ROBO2: variants seen among roughly 807,000 people sequenced by gnomAD.
The protein encoded by ROBO2 is roundabout guidance receptor 2.
A neutral mutation model predicts 160.8 loss-of-function variants in ROBO2; 53 were observed. The observed-to-expected ratio is 0.33, with a 90% CI of 0.26 to 0.41. The LOEUF (loss-of-function observed/expected upper bound fraction) is 0.41. ROBO2 is among the 10% of genes least tolerant of loss of function. The pLI is 1.00. For missense variants in ROBO2, 1,577 were observed against 1,722.4 expected (o/e 0.92, Z 1.49); for synonymous variants, 664 against 611.7 (o/e 1.09, Z -1.26).
At chr3:77,585,686 T>C (rs1157548905) in intron 16 of ROBO2, among the ~76,000 whole-genome samples, 2 of 152,084 alleles carry the variant, frequency 1.3e-5, no homozygotes, top group Non-Finnish European at 1.5e-5. Flanking sequence ...GAGATTTATT[T>C]CTTTTTAATA....
At chr3:76,594,920 C>T (rs555926507) in intron 2 of ROBO2, among the ~76,000 whole-genome samples, 10 of 152,034 alleles carry the variant, frequency 6.6e-5, no homozygotes, top group African/African-American at 2.4e-4. Context: ...AATTTGTTCC[C>T]CCCAAAACTA....
At chr3:76,131,334 T>C (rs1460637451) in intron 2 of ROBO2, among the ~76,000 whole-genome samples, 1 of 152,144 alleles carries the variant, frequency 6.6e-6, no homozygotes, top group Non-Finnish European at 1.5e-5. Flanking sequence ...CAGAAAGGCA[T>C]TGTGACAGGC....
intron 2 of ROBO2, among the ~76,000 whole-genome samples, chr3:77,130,836 T>A (rs188051494): frequency 1.9e-4 from 29 of 152,316 alleles, no homozygotes; most frequent in Admixed American, 1.7e-3. Flanking sequence ...TTCTAGTGAT[T>A]GCTTTAAAAT....
chr3:76,694,515 C>T (rs2092885509), intron 2 of ROBO2, among the ~76,000 whole-genome samples: 2 of 151,890 alleles, frequency 1.3e-5, no homozygotes, highest in South Asian at 2.1e-4. Flanking sequence ...CAAAGTCTTT[C>T]GACTAAACCC....
intron 2 of ROBO2, among the ~76,000 whole-genome samples, chr3:76,600,182 ACATTTAAG>A (rs2087029974): frequency 6.6e-6 from 1 of 152,178 alleles, no homozygotes; most frequent in African/African-American, 2.4e-5. Flanking sequence ...TTTGGGTTTT[ACATTTAAG>A]TCTTTAATCC....
At chr3:76,973,311 T>C (rs2059659777) in intron 2 of ROBO2, among the ~76,000 whole-genome samples, 1 of 152,206 alleles carries the variant, frequency 6.6e-6, no homozygotes, top group Middle Eastern at 3.2e-3. Flanking sequence ...CTGAAAATTA[T>C]CACTTTACCT....
At chr3:76,810,570 A>G (rs1430221343) in intron 2 of ROBO2, among the ~76,000 whole-genome samples, 1 of 152,136 alleles carries the variant, frequency 6.6e-6, no homozygotes, top group Non-Finnish European at 1.5e-5. Flanking sequence ...GACACCAGCT[A>G]GGAGATAAAC....
chr3:76,047,308 A>G (rs2067484109), intron 2 of ROBO2, among the ~76,000 whole-genome samples: 2 of 152,202 alleles, frequency 1.3e-5, no homozygotes, highest in East Asian at 1.9e-4. Context: ...GGGAGAGAGG[A>G]GATGAAAAGA....
intron 2 of ROBO2, among the ~76,000 whole-genome samples, chr3:76,281,335 A>G (rs921971840): frequency 2.0e-5 from 3 of 151,968 alleles, no homozygotes; most frequent in Non-Finnish European, 4.4e-5. Flanking sequence ...TTATTCTGCA[A>G]CTATATGGGT....
At chr3:77,262,522 T>A (rs2058839853) in intron 2 of ROBO2, among the ~76,000 whole-genome samples, 1 of 152,134 alleles carries the variant, frequency 6.6e-6, no homozygotes, top group South Asian at 2.1e-4. Context: ...TACATCCTTG[T>A]AAGTAATATA....
intron 2 of ROBO2, among the ~76,000 whole-genome samples, chr3:77,009,648 T>A (rs555848707): frequency 4.6e-5 from 7 of 152,226 alleles, no homozygotes; most frequent in South Asian, 2.1e-4. Context: ...ATATTTGTAC[T>A]GAAAAATATA....
chr3:76,008,133 G>T (rs937245174), intron 2 of ROBO2, among the ~76,000 whole-genome samples: 3 of 149,716 alleles, frequency 2.0e-5, no homozygotes, highest in Non-Finnish European at 3.0e-5. Flanking sequence ...ACTCTGGGAG[G>T]CTGAGGTAGG....
chr3:75,926,085 CT>C (rs533312843), intron 1 of ROBO2, among the ~76,000 whole-genome samples: 105 of 152,188 alleles, frequency 6.9e-4, no homozygotes, highest in Non-Finnish European at 1.3e-3. Flanking sequence ...TATGATGGTC[CT>C]TAAATCTTGT....
At chr3:76,592,293 C>T (rs1363539651) in intron 2 of ROBO2, among the ~76,000 whole-genome samples, 2 of 152,044 alleles carry the variant, frequency 1.3e-5, no homozygotes, top group Non-Finnish European at 2.9e-5. Context: ...TACTTTTTAA[C>T]CAATTCCCCT....
intron 2 of ROBO2, among the ~76,000 whole-genome samples, chr3:76,859,293 A>G (rs1279276969): frequency 6.6e-6 from 1 of 152,218 alleles, no homozygotes; most frequent in African/African-American, 2.4e-5. Context: ...TTTTTCATAT[A>G]TTTGATGCAA....
chr3:76,256,335 C>CA (rs1244724247), intron 2 of ROBO2, among the ~76,000 whole-genome samples: 1,166 of 98,118 alleles, frequency 0.012, 14 homozygotes, highest in Middle Eastern at 0.027. Flanking sequence ...CTCTCTCTCT[C>CA]TCTCTCTCTC....
chr3:77,108,303 T>TATATGTATACACATATGC (rs1390958388), intron 2 of ROBO2, among the ~76,000 whole-genome samples: 1 of 135,358 alleles, frequency 7.4e-6, no homozygotes, highest in African/African-American at 2.7e-5. Flanking sequence ...CATATGCATA[T>TATATGTATACACATATGC]ATATATATGT....
intron 2 of ROBO2, among the ~76,000 whole-genome samples, chr3:76,772,664 C>T (rs774589): frequency 0.17 from 25,486 of 150,762 alleles, 2,483 homozygotes; most frequent in Non-Finnish European, 0.22. Flanking sequence ...CATACAGTGG[C>T]CACTGCACTA....
chr3:77,315,961 T>A (rs1412705395), intron 2 of ROBO2, among the ~76,000 whole-genome samples: 1 of 152,040 alleles, frequency 6.6e-6, no homozygotes, highest in Admixed American at 6.6e-5. Context: ...AAGGGGAGGA[T>A]ATAATTCCAC....
Sources: gnomAD v4.1 joint callset for allele counts (sites outside exome capture counted in the v4.1 genomes callset) on GRCh38, gnomAD v4.1.1 for gene constraint, MANE v1.5 for transcripts, NCBI Gene and HGNC (gene_info 2026-07-23, HGNC 2026-07-21) for gene names.